Variants in SPATA16 observed in about 807,000 individuals in gnomAD.
The protein encoded by SPATA16 is spermatogenesis-associated protein 16.
In SPATA16, 36 loss-of-function variants were observed where a neutral mutation model predicts 63.3. The ratio of observed to expected loss-of-function variants is 0.57; its 90% confidence interval spans 0.44 to 0.75. The LOEUF is 0.75. Among genes scored for constraint, SPATA16 ranks in the 30% least tolerant of loss-of-function variants. SPATA16 has a pLI of 0.00. For missense variants in SPATA16, 646 were observed against 679.3 expected (o/e 0.95, Z 0.54); for synonymous variants, 203 against 216.7 (o/e 0.94, Z 0.56).
chr3:173,108,259 A>T (rs1374181622), intron 2 of SPATA16, among the ~76,000 whole-genome samples: 1 of 152,176 alleles, frequency 6.6e-6, no homozygotes, highest in Admixed American at 6.5e-5. Context: ...TTAATAGAAA[A>T]GTAGTCATTA....
chr3:172,942,899 T>A (rs1017856990), intron 6 of SPATA16, among the ~76,000 whole-genome samples: 1 of 149,776 alleles, frequency 6.7e-6, no homozygotes, highest in African/African-American at 2.6e-5. Flanking sequence ...TTTCTATACA[T>A]TCAGACATTA....
At chr3:172,925,530 A>G (rs769872637) in intron 6 of SPATA16, 38 bp from the exon 7 acceptor site, 1 of 1,613,564 alleles carries the variant, frequency 6.2e-7, no homozygotes, top group Non-Finnish European at 8.5e-7. Context: ...AGGCTTTGTT[A>G]TGGTTTTAAT....
At chr3:172,967,941 GC>G (rs1400285530) in intron 5 of SPATA16, among the ~76,000 whole-genome samples, 2 of 152,120 alleles carry the variant, frequency 1.3e-5, no homozygotes, top group East Asian at 3.8e-4. Flanking sequence ...AAAATAAAGT[GC>G]ACAATAAGTG....
At chr3:173,129,406 C>T (rs1019494298) in intron 1 of SPATA16, among the ~76,000 whole-genome samples, 2 of 152,146 alleles carry the variant, frequency 1.3e-5, no homozygotes, top group Admixed American at 1.3e-4. Flanking sequence ...TGAATACTAA[C>T]TAATTCCTCA....
At chr3:173,138,099 G>T (rs1272180602) in intron 1 of SPATA16, among the ~76,000 whole-genome samples, 1 of 151,778 alleles carries the variant, frequency 6.6e-6, no homozygotes, top group Non-Finnish European at 1.5e-5. Flanking sequence ...TTTTTTCTTG[G>T]TGGGGGGGTG....
At position 173,008,424 on chromosome 3, in the gene SPATA16, C is replaced by T. The variant is rs151194773; in HGVS notation, c.848+11062G>A. 7.7e-3 allele frequency among the ~76,000 whole-genome samples: 1,164 copies of T among 152,124 alleles called. 7 individuals carry two copies. Among genetic ancestry groups the T allele is most frequent in the Admixed American group, 0.014 (209 of 15,272 alleles). ...GATCCGCAGCTCAGATTGTGCTAGGCGCTCACTGTTGATTTTCCCTATTTT... is the reference window on the plus strand; with the variant it reads ...GATCCGCAGCTCAGATTGTGCTAGGTGCTCACTGTTGATTTTCCCTATTTT... On this transcript the variant is annotated intron_variant, in intron 4 of 10. Transcript: ENST00000351008.
At chr3:173,094,691 T>C (rs1737307448) in intron 2 of SPATA16, among the ~76,000 whole-genome samples, 1 of 151,356 alleles carries the variant, frequency 6.6e-6, no homozygotes, top group African/African-American at 2.4e-5. Flanking sequence ...TTTTTTTTTT[T>C]TTTTGGCTTT....
intron 1 of SPATA16, among the ~76,000 whole-genome samples, chr3:173,125,736 T>C (rs146048636): frequency 5.9e-5 from 9 of 152,354 alleles, no homozygotes; most frequent in African/African-American, 2.2e-4. Context: ...CTCATCATAG[T>C]GGTATTTACT....
intron 8 of SPATA16, among the ~76,000 whole-genome samples, chr3:172,921,117 G>T (rs139170793): frequency 2.0e-5 from 3 of 150,212 alleles, no homozygotes; most frequent in Non-Finnish European, 4.4e-5. Context: ...GTCCAGGCAG[G>T]TCTTGAATTT....
At chr3:173,058,845 T>C (rs545402719) in intron 2 of SPATA16, among the ~76,000 whole-genome samples, 2 of 152,114 alleles carry the variant, frequency 1.3e-5, no homozygotes, top group Non-Finnish European at 2.9e-5. Flanking sequence ...TAAAACAAAC[T>C]GGAAAGATTG....
chr3:172,915,485 A>C (rs1732461273), intron 9 of SPATA16, among the ~76,000 whole-genome samples: 1 of 151,984 alleles, frequency 6.6e-6, no homozygotes, highest in Non-Finnish European at 1.5e-5. Context: ...ATTCAGGGCT[A>C]TAATTAGTTT....
At chr3:173,007,846 G>C (rs929712271) in intron 4 of SPATA16, among the ~76,000 whole-genome samples, 1 of 151,866 alleles carries the variant, frequency 6.6e-6, no homozygotes, top group Non-Finnish European at 1.5e-5. Context: ...TTTGACATGG[G>C]AAGGATCGCT....
At chr3:173,114,223 T>C (rs1258882874) in intron 2 of SPATA16, among the ~76,000 whole-genome samples, 1 of 149,398 alleles carries the variant, frequency 6.7e-6, no homozygotes, top group Non-Finnish European at 1.5e-5. Context: ...ACTTCCCTCA[T>C]AGCAAGCCTT....
chr3:172,926,192 GA>G (rs1732728851), intron 6 of SPATA16, among the ~76,000 whole-genome samples: 3 of 151,848 alleles, frequency 2.0e-5, no homozygotes, highest in East Asian at 1.9e-4. Flanking sequence ...AAAAAAAAAG[GA>G]AAAAAATTAC....
At chr3:173,092,200 A>T (rs2108320052) in intron 2 of SPATA16, among the ~76,000 whole-genome samples, 1 of 152,264 alleles carries the variant, frequency 6.6e-6, no homozygotes, top group South Asian at 2.1e-4. Context: ...TCTCTTAAAT[A>T]CTGCCATCCA....
intron 2 of SPATA16, among the ~76,000 whole-genome samples, chr3:173,108,316 TA>T (rs1483313413): frequency 6.6e-6 from 1 of 152,232 alleles, no homozygotes; most frequent in African/African-American, 2.4e-5. Context: ...ATGTTCAGTA[TA>T]AATTTTCAGA....
chr3:172,956,556 A>G (rs1037726167), intron 6 of SPATA16, 121 bp downstream of exon 6: 2 of 1,065,958 alleles, frequency 1.9e-6, no homozygotes, highest in Non-Finnish European at 2.7e-6. Flanking sequence ...GTTTCAAGTC[A>G]TCAGATGAAA....
At chr3:173,062,996 T>C (rs1259407975) in intron 2 of SPATA16, among the ~76,000 whole-genome samples, 1 of 152,226 alleles carries the variant, frequency 6.6e-6, no homozygotes, top group Non-Finnish European at 1.5e-5. Context: ...CACCTCCTGC[T>C]GTGCGGCCCT....
chr3:173,068,745 C>T (rs1237911790), intron 2 of SPATA16, among the ~76,000 whole-genome samples: 1 of 151,106 alleles, frequency 6.6e-6, no homozygotes, highest in Non-Finnish European at 1.5e-5. Context: ...AGTAGAAAAA[C>T]TTCAAATGAA....
Sources: allele counts gnomAD v4.1 joint callset (sites outside exome capture counted in the v4.1 genomes callset), GRCh38; gene constraint gnomAD v4.1.1; transcripts MANE v1.5; gene names NCBI Gene and HGNC (gene_info 2026-07-23, HGNC 2026-07-21).